Variants in SF3B3 observed in about 807,000 individuals in gnomAD.
SF3B3 encodes splicing factor 3b subunit 3.
SF3B3 carries 33 observed loss-of-function variants against 139.2 expected under a neutral mutation model. The ratio of observed to expected loss-of-function variants is 0.24; its 90% CI spans 0.18 to 0.32. The LOEUF (loss-of-function observed/expected upper bound fraction) is 0.32, where lower values mean the gene tolerates loss of function less well. Among genes scored for constraint, SF3B3 ranks in the 10% least tolerant of loss-of-function variants. The pLI is 1.00. For missense variants in SF3B3, 818 were observed against 1,509.4 expected (o/e 0.54, Z 7.59); for synonymous variants, 596 against 563.6 (o/e 1.06, Z -0.81).
At chr16:70,552,570 C>A (rs1362092006) in intron 11 of SF3B3, among the ~76,000 whole-genome samples, 1 of 152,188 alleles carries the variant, frequency 6.6e-6, no homozygotes, top group Non-Finnish European at 1.5e-5. Context: ...GTTGACAGTT[C>A]TAGCAAAATA....
At position 70,562,054 on chromosome 16, in the gene SF3B3, A is replaced by G. The variant is rs184578840; in HGVS notation, c.2288+270A>G. Among the ~76,000 whole-genome samples, 4 of 152,348 alleles carry G rather than the reference A, an allele frequency of 2.6e-5. No homozygotes were observed. In the East Asian group the frequency reaches 7.7e-4, roughly 29 times the overall value. ...AGATTTCAGATTTTTGTTTTCTAGC[A>G]AAAGGGTATTGCCATTGGATTAGTT... On this transcript the variant is annotated intron_variant, in intron 17 of 25. Coordinates refer to ENST00000302516, the MANE Select transcript of SF3B3 (RefSeq NM_012426.5).
intron 1 of SF3B3, 69 bp downstream of exon 1, chr16:70,523,997 C>G: frequency 2.4e-6 from 1 of 417,596 alleles, no homozygotes; most frequent in African/African-American, 2.1e-5. Context: ...AAGGGGGACC[C>G]GAGACTTTGG....
At chr16:70,551,063 A>G (rs2050320127) in intron 11 of SF3B3, among the ~76,000 whole-genome samples, 1 of 152,172 alleles carries the variant, frequency 6.6e-6, no homozygotes. Flanking sequence ...AGTATCAGAT[A>G]CCCTTGTCTA....
At chr16:70,528,235 G>T (rs1235319601) in intron 2 of SF3B3, among the ~76,000 whole-genome samples, 2 of 148,032 alleles carry the variant, frequency 1.4e-5, no homozygotes, top group African/African-American at 5.0e-5. Flanking sequence ...TGCGACCTCG[G>T]CTCACTGCAA....
intron 2 of SF3B3, among the ~76,000 whole-genome samples, chr16:70,528,401 G>A (rs1345665347): frequency 1.4e-5 from 2 of 147,204 alleles, no homozygotes; most frequent in Admixed American, 6.8e-5. Flanking sequence ...CTGACCTCAA[G>A]TGATCTGCCT....
intron 15 of SF3B3, among the ~76,000 whole-genome samples, chr16:70,557,771 T>G (rs942328181): frequency 1.3e-5 from 2 of 152,196 alleles, no homozygotes; most frequent in Non-Finnish European, 2.9e-5. Context: ...GCTGTTCTTA[T>G]TTTATCTTTT....
intron 6 of SF3B3, among the ~76,000 whole-genome samples, chr16:70,537,721 T>A (rs1014609801): frequency 6.6e-6 from 1 of 152,134 alleles, no homozygotes; most frequent in African/African-American, 2.4e-5. Flanking sequence ...AATAACAAAG[T>A]CTAAAACTTC....
intron 23 of SF3B3, 23 bp from the exon 24 acceptor site, chr16:70,569,983 A>G: frequency 6.2e-7 from 1 of 1,613,660 alleles, no homozygotes; most frequent in East Asian, 2.2e-5. Context: ...GCACACAGTC[A>G]CTAGTCTGTT....
In SF3B3 at chr16:70,541,756, C is replaced by CT; in HGVS notation, c.1161dup (p.Gln388SerfsTer6). On this transcript the variant is annotated frameshift_variant, in exon 9 of 26. Transcript: ENST00000302516. LOFTEE classifies it high-confidence loss of function. The stretch of plus-strand genomic sequence containing the variant: ...TGCCTCTGGAAGAAGGAGACACATT[C>CT]TTTTTTCAGCCAAGACCACTTAAAA... 1 of 1,614,090 alleles carries CT rather than the reference C, an allele frequency of 6.2e-7. No individual in the cohort carries two copies. The highest frequency in any genetic ancestry group is 1.6e-4 in the Middle Eastern group (1 of 6,062).
At chr16:70,533,323 C>G (rs2050138320) in intron 5 of SF3B3, among the ~76,000 whole-genome samples, 1 of 150,768 alleles carries the variant, frequency 6.6e-6, no homozygotes, top group South Asian at 2.1e-4. Flanking sequence ...GATCTTGTCT[C>G]AATGAAAAAG....
chr16:70,547,281 A>G (rs1379161244), intron 10 of SF3B3, among the ~76,000 whole-genome samples: 3 of 152,180 alleles, frequency 2.0e-5, no homozygotes, highest in African/African-American at 7.2e-5. Flanking sequence ...AATTCTTCCT[A>G]TAAGATGTGG....
chr16:70,549,879 T>C (rs1368565906), intron 11 of SF3B3, among the ~76,000 whole-genome samples: 1 of 152,064 alleles, frequency 6.6e-6, no homozygotes, highest in Admixed American at 6.6e-5. Flanking sequence ...GAGCCGAGAT[T>C]GCACCACTGC....
chr16:70,571,774 C>T lies in SF3B3; in HGVS notation c.3615C>T (p.Ser1205=). ...TGGACCGAACCCCACCCGAAGTGTC[C>T]AAGAAACTCGAGGATATCCGGACCC... ...EELDRTPPEV[S]KKLEDIRTRY... is the part of the protein sequence containing the mutation. The change falls in exon 26 of 26, where the codon TCC becomes TCT. Residue 1205 remains serine, a synonymous_variant. Coordinates refer to ENST00000302516, the MANE Select transcript of SF3B3 (RefSeq NM_012426.5). 3 of 1,614,042 alleles carry T rather than the reference C, an allele frequency of 1.9e-6. No individual in the cohort carries two copies. Among genetic ancestry groups the T allele is most frequent in the Non-Finnish European group, 2.5e-6 (3 of 1,179,994 alleles).
intron 16 of SF3B3, 111 bp downstream of exon 16, chr16:70,560,702 T>C (rs1440360337): frequency 1.5e-5 from 19 of 1,260,634 alleles, no homozygotes; most frequent in Middle Eastern, 2.7e-4. Flanking sequence ...TCCATCTTGA[T>C]TGGTTTCCTT....
Position 70,557,002 on chromosome 16 carries a change from C to T in SF3B3, c.1983C>T (p.Gly661=). The T allele has an allele frequency of 1.2e-6, 2 of 1,612,562 alleles. No individual in the cohort carries two copies. The highest frequency in any genetic ancestry group is 4.5e-5 in the East Asian group (2 of 44,866). Residue 661 remains glycine (G), a synonymous_variant, in exon 15 of 26, where the codon GGC becomes GGT. Coordinates refer to ENST00000302516, the MANE Select transcript of SF3B3 (RefSeq NM_012426.5). ...QDELGERGSI[G]FLYLNIGLQN... is the part of the protein sequence containing the mutation. ...AGCTGGGTGAGAGGGGCTCGATTGG[C>T]TTCCTATACCTGAATATTGGGCTAC...
At chr16:70,525,957 CAAAA>C (rs920550920) in intron 1 of SF3B3, among the ~76,000 whole-genome samples, 2 of 42,262 alleles carry the variant, frequency 4.7e-5, no homozygotes, top group Admixed American at 2.8e-4. Flanking sequence ...TGAGACGCCT[CAAAA>C]AAAAAAAAAA....
rs2050186908 is a variant in SF3B3 at position 70,538,200 on chromosome 16, TG to T, written c.826-121del. 1.4e-5 allele frequency: 12 copies of T among 865,962 alleles called. No homozygotes were observed. In the Middle Eastern group the frequency reaches 1.8e-3, roughly 129 times the overall value. 53.6% of individuals were successfully genotyped at this position (865,962 alleles called of 1,614,324 possible). On this transcript the variant is annotated intron_variant, in intron 6 of 25. Coordinates refer to ENST00000302516, the MANE Select transcript of SF3B3 (RefSeq NM_012426.5). ...CAGTGCTCTGGCTGGCAGGACACTG[TG>T]GATCAAAGCTTGTGCCTTTAGGCCT...
At chr16:70,556,048 A>G in intron 13 of SF3B3, 131 bp from the exon 14 acceptor site, 1 of 825,358 alleles carries the variant, frequency 1.2e-6, no homozygotes, top group South Asian at 1.7e-5. Flanking sequence ...CTATAGTAAG[A>G]GGAGTGAGAG....
At chr16:70,552,044 A>G (rs1389045793) in intron 11 of SF3B3, among the ~76,000 whole-genome samples, 1 of 152,156 alleles carries the variant, frequency 6.6e-6, no homozygotes, top group African/African-American at 2.4e-5. Flanking sequence ...GACCCTATTT[A>G]AGTTCACTGA....
Sources: allele counts gnomAD v4.1 joint callset (sites outside exome capture counted in the v4.1 genomes callset), GRCh38; gene constraint gnomAD v4.1.1; transcripts MANE v1.5; gene names NCBI Gene and HGNC (gene_info 2026-07-23, HGNC 2026-07-21).